The following GRID2 variants were observed in gnomAD, a reference collection of about 807,000 sequenced individuals.
GRID2 encodes glutamate receptor ionotropic, delta-2.
Under a neutral mutation model 114.8 loss-of-function variants are expected in GRID2, and 33 were observed. The observed-to-expected ratio is 0.29, with a 90% CI of 0.22 to 0.38. The LOEUF (loss-of-function observed/expected upper bound fraction) is 0.38. Among genes scored for constraint, GRID2 ranks in the 10% least tolerant of loss-of-function variants. GRID2 has a pLI of 1.00. For missense variants in GRID2, 1,184 were observed against 1,257.7 expected (o/e 0.94, Z 0.89); for synonymous variants, 505 against 449.9 (o/e 1.12, Z -1.55).
At chr4:92,651,270 C>T (rs1453342051) in intron 2 of GRID2, among the ~76,000 whole-genome samples, 4 of 152,008 alleles carry the variant, frequency 2.6e-5, no homozygotes, top group Non-Finnish European at 5.9e-5. Context: ...GCTGATCACT[C>T]TGGGGAATGG....
intron 1 of GRID2, among the ~76,000 whole-genome samples, chr4:92,308,580 A>C (rs1420745199): frequency 6.6e-6 from 1 of 152,168 alleles, no homozygotes; most frequent in Non-Finnish European, 1.5e-5. Context: ...GAATGTTCAA[A>C]TTAAAGTACA....
At chr4:93,357,926 C>T (rs1761505249) in intron 8 of GRID2, among the ~76,000 whole-genome samples, 1 of 151,658 alleles carries the variant, frequency 6.6e-6, no homozygotes, top group South Asian at 2.1e-4. Context: ...GTTTTTACTG[C>T]AGAAACTTTG....
chr4:93,591,797 G>T (rs1207458399), intron 13 of GRID2, among the ~76,000 whole-genome samples: 1 of 152,192 alleles, frequency 6.6e-6, no homozygotes, highest in Non-Finnish European at 1.5e-5. Context: ...GAGTGTATGT[G>T]TCGAGGAATT....
At chr4:93,183,259 A>T (rs568750917) in intron 4 of GRID2, among the ~76,000 whole-genome samples, 1 of 152,332 alleles carries the variant, frequency 6.6e-6, no homozygotes, top group African/African-American at 2.4e-5. Flanking sequence ...CTAACTTCAC[A>T]AAATGTTTGA....
intron 2 of GRID2, among the ~76,000 whole-genome samples, chr4:92,799,389 T>C (rs768779616): frequency 3.9e-5 from 6 of 151,996 alleles, no homozygotes; most frequent in Non-Finnish European, 5.9e-5. Context: ...GGCCACAGAC[T>C]AATACCAGTC....
At chr4:92,945,364 G>A (rs1487672489) in intron 2 of GRID2, among the ~76,000 whole-genome samples, 1 of 152,090 alleles carries the variant, frequency 6.6e-6, no homozygotes, top group African/African-American at 2.4e-5. Context: ...CCATTTCAAT[G>A]TGTCTTTGTA....
intron 6 of GRID2, 126 bp from the exon 7 acceptor site, chr4:93,224,488 G>A (rs1745259561): frequency 1.7e-6 from 1 of 571,676 alleles, no homozygotes; most frequent in Non-Finnish European, 3.0e-6. Context: ...GAAACCTTCT[G>A]CTTAATAACC....
chr4:92,665,914 C>T (rs1481837210), intron 2 of GRID2, among the ~76,000 whole-genome samples: 1 of 151,388 alleles, frequency 6.6e-6, no homozygotes, highest in Non-Finnish European at 1.5e-5. Flanking sequence ...TTTGAGTTCA[C>T]AATATCGAAT....
intron 8 of GRID2, among the ~76,000 whole-genome samples, chr4:93,343,622 GTATT>G (rs566941385): frequency 2.6e-4 from 39 of 152,090 alleles, no homozygotes; most frequent in African/African-American, 8.9e-4. Context: ...TTGTCTACAG[GTATT>G]TATTTATCTT....
At chr4:93,013,529 C>CA (rs1560795365) in intron 2 of GRID2, among the ~76,000 whole-genome samples, 5 of 151,480 alleles carry the variant, frequency 3.3e-5, no homozygotes, top group Admixed American at 6.6e-5. Context: ...TATATATATA[C>CA]CCACACACAC....
At chr4:92,452,168 A>C (rs541944345) in intron 1 of GRID2, among the ~76,000 whole-genome samples, 1 of 152,304 alleles carries the variant, frequency 6.6e-6, no homozygotes, top group African/African-American at 2.4e-5. Flanking sequence ...TTGAACACAG[A>C]TGCCCTAACA....
At chr4:93,073,146 A>G (rs1728957442) in intron 2 of GRID2, among the ~76,000 whole-genome samples, 1 of 152,168 alleles carries the variant, frequency 6.6e-6, no homozygotes, top group Non-Finnish European at 1.5e-5. Flanking sequence ...GGATAATACC[A>G]TGGGACCCAT....
At chr4:93,212,001 G>A (rs1351940516) in intron 5 of GRID2, among the ~76,000 whole-genome samples, 1 of 151,520 alleles carries the variant, frequency 6.6e-6, no homozygotes, top group Non-Finnish European at 1.5e-5. Context: ...TCATTTACAT[G>A]CTTGTTTATG....
At chr4:92,305,829 G>A (rs1474585536) in intron 1 of GRID2, among the ~76,000 whole-genome samples, 3 of 152,192 alleles carry the variant, frequency 2.0e-5, no homozygotes, top group Non-Finnish European at 2.9e-5. Context: ...TTAATGCGAC[G>A]ATTTCTTTTT....
intron 10 of GRID2, among the ~76,000 whole-genome samples, chr4:93,445,241 CAAGAGAAAAT>C (rs1326004998): frequency 6.6e-6 from 1 of 151,886 alleles, no homozygotes; most frequent in East Asian, 1.9e-4. Context: ...CACAGAGCAA[CAAGAGAAAAT>C]AAGTAAAATA....
intron 14 of GRID2, among the ~76,000 whole-genome samples, chr4:93,664,312 G>A (rs551727770): frequency 1.8e-4 from 28 of 152,278 alleles, no homozygotes; most frequent in African/African-American, 6.7e-4. Context: ...TGAGTAGGAA[G>A]GCACTACAAA....
At chr4:92,392,464 G>A (rs1015426201) in intron 1 of GRID2, among the ~76,000 whole-genome samples, 7 of 152,156 alleles carry the variant, frequency 4.6e-5, no homozygotes, top group African/African-American at 9.6e-5. Context: ...GCTTGAACCC[G>A]GGAGGCGGAG....
chr4:93,725,037 G>C (rs1252460672), intron 14 of GRID2, among the ~76,000 whole-genome samples: 1 of 151,978 alleles, frequency 6.6e-6, no homozygotes, highest in Non-Finnish European at 1.5e-5. Context: ...ACAATGTGCA[G>C]GTTTGTTACA....
chr4:93,583,572 C>T (rs1433997312), intron 13 of GRID2, among the ~76,000 whole-genome samples: 1 of 152,012 alleles, frequency 6.6e-6, no homozygotes, highest in Non-Finnish European at 1.5e-5. Context: ...ACAATCCTGG[C>T]AAGTAGTTAT....
Sources: allele counts gnomAD v4.1 joint callset (sites outside exome capture counted in the v4.1 genomes callset), GRCh38; gene constraint gnomAD v4.1.1; transcripts MANE v1.5; gene names NCBI Gene and HGNC (gene_info 2026-07-23, HGNC 2026-07-21).